The following ETNPPL variants were observed in gnomAD, a reference collection of about 807,000 sequenced individuals.
ETNPPL encodes the protein alanine--glyoxylate aminotransferase 2-like 1.
In ETNPPL, 30 loss-of-function variants were observed where a neutral mutation model predicts 55.5. The observed-to-expected ratio is 0.54, with a 90% CI of 0.40 to 0.73. The LOEUF (loss-of-function observed/expected upper bound fraction) is 0.73. Ranked by LOEUF, ETNPPL falls within the 30% of genes least tolerant of loss-of-function variation. The probability of loss-of-function intolerance (pLI) is 0.00; values close to 1 mark genes in which losing one functional copy is unlikely to be tolerated. For synonymous variants in ETNPPL, 202 were observed against 207.2 expected, an observed-to-expected ratio of 0.98 and a Z score of 0.21; for missense variants, 528 against 607.9, an observed-to-expected ratio of 0.87 and a Z score of 1.38.
chr4:108,747,253 A>T (rs539420299), intron 9 of ETNPPL, among the ~76,000 whole-genome samples: 5 of 64,676 alleles, frequency 7.7e-5, no homozygotes, highest in Admixed American at 2.1e-4. Flanking sequence ...ATATATATAT[A>T]TTATATATAT....
Position 108,754,686 on chromosome 4 carries a change from G to T in ETNPPL, c.435C>A (p.Ser145=). 6.3e-7 allele frequency: 1 copy of T among 1,595,706 alleles called. No homozygotes were observed. Among genetic ancestry groups the T allele is most frequent in the Non-Finnish European group, 8.6e-7 (1 of 1,165,668 alleles). ...ACTTATATGGGCTAATCTCAATTAAGGATGATAGGTGACCATGGTAAGCAC... is the reference window on the plus strand; with the variant it reads ...ACTTATATGGGCTAATCTCAATTAATGATGATAGGTGACCATGGTAAGCAC... ...LDHAYHGHLS[S]LIEISPYKFQ... is the part of the protein sequence containing the mutation. The change falls in exon 5 of 13, where the codon TCC becomes TCA. Residue 145 remains serine (S), a synonymous_variant. Transcript: ENST00000296486.
At position 108,749,029 on chromosome 4, in the gene ETNPPL, T is replaced by G. The variant is rs377525533; in HGVS notation, c.927+209A>C. On this transcript the variant is annotated intron_variant, in intron 8 of 12. Transcript: ENST00000296486. ...TATACCTATGTAACAAACCTGCACA[T>G]TCTACTCATGTATCCCAGAACTTAA... 2.0e-4 allele frequency among the ~76,000 whole-genome samples: 31 copies of G among 152,200 alleles called. 1 individual carries two copies. Among genetic ancestry groups the G allele is most frequent in the African/African-American group, 7.5e-4 (31 of 41,544 alleles).
chr4:108,761,253 C>G (rs1352580927), intron 1 of ETNPPL, among the ~76,000 whole-genome samples: 1 of 151,852 alleles, frequency 6.6e-6, no homozygotes, highest in East Asian at 1.9e-4. Context: ...ACAAAAAAAC[C>G]CTCACACACA....
chr4:108,746,710 G>A, intron 10 of ETNPPL, 52 bp downstream of exon 10: 2 of 1,551,848 alleles, frequency 1.3e-6, no homozygotes, highest in East Asian at 2.2e-5. Context: ...TTTCAAGTGG[G>A]TAGGCATCCT....
At chr4:108,755,514 T>G (rs971640817) in intron 4 of ETNPPL, among the ~76,000 whole-genome samples, 6 of 151,726 alleles carry the variant, frequency 4.0e-5, no homozygotes, top group Non-Finnish European at 2.9e-5. Context: ...AGACAAAAAT[T>G]TAAAAGAAAA....
At chr4:108,756,964 A>G (rs1170521290) in intron 3 of ETNPPL, among the ~76,000 whole-genome samples, 1 of 152,196 alleles carries the variant, frequency 6.6e-6, no homozygotes, top group Non-Finnish European at 1.5e-5. Context: ...CTTCTAATAT[A>G]AGGTTCCTTA....
At position 108,743,868 on chromosome 4, in the gene ETNPPL, A is replaced by T; in HGVS notation, c.1304-12T>A. ...AGCTTCTTCTAAAACTGAATCAAGG[A>T]AGGTATTATGGAGAAGACAAAATAA... On this transcript the variant is annotated splice_polypyrimidine_tract_variant and intron_variant, in intron 11 of 12. Coordinates refer to ENST00000296486, the MANE Select transcript of ETNPPL (RefSeq NM_031279.4). 6.3e-7 allele frequency: 1 copy of T among 1,587,652 alleles called. No homozygotes were observed.
chr4:108,746,740 G>T, intron 10 of ETNPPL, 22 bp downstream of exon 10: 2 of 1,606,802 alleles, frequency 1.2e-6, no homozygotes, highest in Non-Finnish European at 1.7e-6. Flanking sequence ...ATACCAAACA[G>T]GTGGGTGTGG....
At chr4:108,753,749 T>TGA (rs1729026482) in intron 5 of ETNPPL, among the ~76,000 whole-genome samples, 1 of 76,712 alleles carries the variant, frequency 1.3e-5, no homozygotes, top group Non-Finnish European at 2.4e-5. Flanking sequence ...CTCAAATAAA[T>TGA]AAGAAAGAAA....
rs1363009477 is a variant in ETNPPL, at chr4:108,759,827, T to C, written c.257A>G (p.Asp86Gly). 1 of 1,614,162 alleles carries C rather than the reference T, an allele frequency of 6.2e-7. No homozygotes were observed. Among genetic ancestry groups the C allele is most frequent in the Admixed American group, 1.7e-5 (1 of 60,022 alleles). Residue 86 changes from aspartate to glycine, a missense_variant, in exon 3 of 13, where the codon GAC (aspartate) becomes GGC (glycine). By Grantham distance (94) the Asp-to-Gly change is moderately conservative (BLOSUM62 -1). Coordinates refer to ENST00000296486, the MANE Select transcript of ETNPPL (RefSeq NM_031279.4). ...GCGTTTGGCATACTCAACAATGTTG[T>C]CGTGGAGGAATCGAGAATTTGTATT... ...LLNTNSRFLH[D>G]NIVEYAKRLS...
chr4:108,745,800 G>A (rs574717553), intron 11 of ETNPPL, among the ~76,000 whole-genome samples: 17 of 149,972 alleles, frequency 1.1e-4, no homozygotes, highest in Admixed American at 9.3e-4. Context: ...GCATGGTGGC[G>A]GGTGCCTGTA....
chr4:108,760,713 C>T (rs940699305), intron 1 of ETNPPL, among the ~76,000 whole-genome samples: 2 of 151,998 alleles, frequency 1.3e-5, no homozygotes, highest in African/African-American at 2.4e-5. Context: ...TTATTTAATC[C>T]TGTCAACAAT....
intron 4 of ETNPPL, 36 bp downstream of exon 4, chr4:108,756,382 A>G: frequency 2.0e-6 from 3 of 1,477,090 alleles, no homozygotes; most frequent in Non-Finnish European, 2.8e-6. Context: ...TCTCTGAAGA[A>G]GCTTCTTGCT....
chr4:108,745,930 C>CAAAAAAAAAAAAAAAAAAAAAAAAAAAA lies in ETNPPL; in HGVS notation c.1303+468_1303+469insTTTTTTTTTTTTTTTTTTTTTTTTTTTT, dbSNP rs5860940. 2.8e-5 allele frequency among the ~76,000 whole-genome samples: 2 copies of CAAAAAAAAAAAAAAAAAAAAAAAAAAAA among 70,896 alleles called. 1 individual carries two copies. Among genetic ancestry groups the CAAAAAAAAAAAAAAAAAAAAAAAAAAAA allele is most frequent in the African/African-American group, 7.9e-5 (2 of 25,164 alleles). 46.5% of individuals were successfully genotyped at this position (70,896 alleles called of 152,430 possible). On this transcript the variant is annotated intron_variant, in intron 11 of 12. Coordinates refer to ENST00000296486, the MANE Select transcript of ETNPPL (RefSeq NM_031279.4). ...TGGATGACAGAGTGAGACTCCATCT[C>CAAAAAAAAAAAAAAAAAAAAAAAAAAAA]AAAAAAAAAAAAAAAAAAAACCACG...
intron 11 of ETNPPL, 92 bp from the exon 12 acceptor site, chr4:108,743,948 G>T (rs537074506): frequency 1.3e-5 from 10 of 794,776 alleles, no homozygotes; most frequent in Non-Finnish European, 2.2e-5. Flanking sequence ...CTTTAATGAA[G>T]AATGGAAGGA....
intron 3 of ETNPPL, among the ~76,000 whole-genome samples, chr4:108,759,028 A>C (rs1263256563): frequency 6.6e-6 from 1 of 151,968 alleles, no homozygotes; most frequent in Non-Finnish European, 1.5e-5. Context: ...CAGCCTGGGG[A>C]ACAAGAGCGA....
intron 9 of ETNPPL, among the ~76,000 whole-genome samples, chr4:108,747,145 T>C (rs867010357): frequency 1.7e-4 from 4 of 22,910 alleles, no homozygotes; most frequent in African/African-American, 1.2e-3. Flanking sequence ...TATATATATA[T>C]ATAATATATA....
intron 7 of ETNPPL, among the ~76,000 whole-genome samples, chr4:108,750,528 GATATGTGATATATATACGATATA>G (rs1728849631): frequency 6.9e-6 from 1 of 144,994 alleles, no homozygotes; most frequent in Non-Finnish European, 1.5e-5. Flanking sequence ...GTGTGTGTAT[GATATGTGATATATATACGATATA>G]TATGATATGT....
chr4:108,747,777 G>A (rs1728677944), intron 9 of ETNPPL: 1 of 415,554 alleles, frequency 2.4e-6, no homozygotes, highest in South Asian at 4.2e-5. Context: ...CACCCAGGCT[G>A]GAATGCAGTG....
Sources: gnomAD v4.1 joint callset for allele counts (sites outside exome capture counted in the v4.1 genomes callset) on GRCh38, gnomAD v4.1.1 for gene constraint, MANE v1.5 for transcripts, NCBI Gene and HGNC (gene_info 2026-07-23, HGNC 2026-07-21) for gene names.